CNTNAP2: variants seen among roughly 807,000 people sequenced by gnomAD.
CNTNAP2 encodes contactin-associated protein-like 2.
Under a neutral mutation model 155.2 loss-of-function variants are expected in CNTNAP2, and 98 were observed. The observed-to-expected ratio is 0.63, with a 90% CI of 0.54 to 0.75. The LOEUF (loss-of-function observed/expected upper bound fraction) is 0.75, where lower values mean the gene tolerates loss of function less well. CNTNAP2 is among the 30% of genes least tolerant of loss of function. The pLI is 0.00. For synonymous variants in CNTNAP2, 651 were observed against 631.2 expected (o/e 1.03, Z -0.47); for missense variants, 1,727 against 1,688.1 (o/e 1.02, Z -0.40).
At chr7:146,204,003 A>G (rs2116872517) in intron 1 of CNTNAP2, among the ~76,000 whole-genome samples, 1 of 152,298 alleles carries the variant, frequency 6.6e-6, no homozygotes, top group South Asian at 2.1e-4. Flanking sequence ...CTTTTCAATT[A>G]TTTAATAAAT....
At chr7:146,230,708 G>A (rs1799369124) in intron 1 of CNTNAP2, among the ~76,000 whole-genome samples, 1 of 152,144 alleles carries the variant, frequency 6.6e-6, no homozygotes, top group South Asian at 2.1e-4. Context: ...ATGTACTTGT[G>A]AAGATTAATT....
At chr7:147,261,699 T>C (rs1804470359) in intron 8 of CNTNAP2, among the ~76,000 whole-genome samples, 1 of 152,148 alleles carries the variant, frequency 6.6e-6, no homozygotes, top group African/African-American at 2.4e-5. Context: ...AAAAAATCCA[T>C]GAATATTCAG....
intron 1 of CNTNAP2, among the ~76,000 whole-genome samples, chr7:146,118,096 T>C (rs1372289047): frequency 2.6e-5 from 4 of 152,328 alleles, no homozygotes; most frequent in African/African-American, 9.6e-5. Context: ...AATGATCTTA[T>C]TGTAGTGGTA....
chr7:148,340,303 T>C (rs112393461), intron 21 of CNTNAP2, among the ~76,000 whole-genome samples: 1,726 of 152,290 alleles, frequency 0.011, 26 homozygotes, highest in African/African-American at 0.04. Flanking sequence ...AAATTAGCCC[T>C]TAAACAGAAT....
At chr7:146,254,503 A>G (rs1457497429) in intron 1 of CNTNAP2, among the ~76,000 whole-genome samples, 3 of 152,342 alleles carry the variant, frequency 2.0e-5, no homozygotes, top group Non-Finnish European at 2.9e-5. Context: ...GGAGGAAGTC[A>G]TTTAGATTTG....
intron 1 of CNTNAP2, among the ~76,000 whole-genome samples, chr7:146,382,021 T>C (rs998848261): frequency 1.3e-5 from 2 of 152,202 alleles, no homozygotes; most frequent in African/African-American, 4.8e-5. Flanking sequence ...TGTGGTTGAG[T>C]TTCTTCAGGT....
intron 15 of CNTNAP2, among the ~76,000 whole-genome samples, chr7:148,095,819 T>G (rs190107679): frequency 2.6e-5 from 4 of 152,204 alleles, no homozygotes; most frequent in Admixed American, 6.5e-5. Flanking sequence ...TCTCCCACCT[T>G]TCAAATTATT....
At chr7:146,320,343 G>A (rs530389040) in intron 1 of CNTNAP2, among the ~76,000 whole-genome samples, 1 of 152,122 alleles carries the variant, frequency 6.6e-6, no homozygotes, top group East Asian at 1.9e-4. Flanking sequence ...AGATGTTAAT[G>A]CAAAAATATA....
At chr7:146,250,859 T>A (rs116490032) in intron 1 of CNTNAP2, among the ~76,000 whole-genome samples, 197 of 152,276 alleles carry the variant, frequency 1.3e-3, no homozygotes, top group African/African-American at 4.3e-3. Flanking sequence ...GGCTTAAGTA[T>A]GCCTTGTAAG....
rs754424554 is a variant in CNTNAP2, at chr7:147,507,285, G to A, written c.1777+21244G>A. Among the ~76,000 whole-genome samples the A allele has an allele frequency of 3.3e-5, 5 of 152,188 alleles. No homozygotes were observed. The East Asian group carries it at 7.8e-4, about 24-fold the overall frequency. On this transcript the variant is annotated intron_variant, in intron 11 of 23. Transcript: ENST00000361727. ...TAAGAATGCAGGGGTATGAAAATAA[G>A]GTAAAAATGGGGAGTAACATGTGTT...
chr7:147,489,204 G>A (rs1275961476), intron 11 of CNTNAP2, among the ~76,000 whole-genome samples: 1 of 152,040 alleles, frequency 6.6e-6, no homozygotes, highest in East Asian at 1.9e-4. Flanking sequence ...GTGTACATGG[G>A]GACTTTGTTT....
intron 3 of CNTNAP2, among the ~76,000 whole-genome samples, chr7:146,885,931 G>GTC (rs1381566403): frequency 8.8e-5 from 1 of 11,342 alleles, no homozygotes; most frequent in Non-Finnish European, 1.3e-4. Context: ...GTAAGTCGGT[G>GTC]TGTGTGTGTG....
chr7:148,411,863 G>A (rs916986238), intron 23 of CNTNAP2, among the ~76,000 whole-genome samples: 3 of 151,248 alleles, frequency 2.0e-5, no homozygotes, highest in Admixed American at 6.6e-5. Context: ...GTGTGTGTGT[G>A]TGTGTGTGTC....
chr7:146,511,168 G>A (rs1797460589), intron 1 of CNTNAP2, among the ~76,000 whole-genome samples: 1 of 152,140 alleles, frequency 6.6e-6, no homozygotes, highest in Non-Finnish European at 1.5e-5. Flanking sequence ...AAAGTGCTGG[G>A]ATTACAGGCA....
intron 22 of CNTNAP2, among the ~76,000 whole-genome samples, chr7:148,392,404 T>C (rs538432166): frequency 6.6e-6 from 1 of 152,294 alleles, no homozygotes; most frequent in East Asian, 1.9e-4. Flanking sequence ...TTCTAGTAGG[T>C]CCAGGCTAGA....
intron 14 of CNTNAP2, among the ~76,000 whole-genome samples, chr7:147,973,563 T>A (rs544000168): frequency 1.3e-5 from 2 of 152,196 alleles, no homozygotes; most frequent in Non-Finnish European, 2.9e-5. Flanking sequence ...GTATGGTATA[T>A]TGATAGATTA....
intron 3 of CNTNAP2, among the ~76,000 whole-genome samples, chr7:146,867,060 G>T (rs1441932490): frequency 6.6e-6 from 1 of 152,028 alleles, no homozygotes; most frequent in Non-Finnish European, 1.5e-5. Context: ...GTGGAGGCTT[G>T]TTACATAGGT....
chr7:147,755,773 G>A (rs1421475383), intron 13 of CNTNAP2, among the ~76,000 whole-genome samples: 3 of 152,184 alleles, frequency 2.0e-5, no homozygotes, highest in Non-Finnish European at 4.4e-5. Flanking sequence ...CCCACATCTG[G>A]TTTAGTGCTG....
At chr7:147,138,447 C>G (rs1244921069) in intron 8 of CNTNAP2, among the ~76,000 whole-genome samples, 3 of 151,910 alleles carry the variant, frequency 2.0e-5, no homozygotes, top group Non-Finnish European at 4.4e-5. Flanking sequence ...CCACATGGTA[C>G]CAAGTAAAAG....
Sources: allele counts gnomAD v4.1 joint callset (sites outside exome capture counted in the v4.1 genomes callset), GRCh38; gene constraint gnomAD v4.1.1; transcripts MANE v1.5; gene names NCBI Gene and HGNC (gene_info 2026-07-23, HGNC 2026-07-21).